Variants in ARSF observed in about 807,000 individuals in gnomAD.
The protein encoded by ARSF is arylsulfatase F.
ARSF carries 33 observed loss-of-function variants against 35.4 expected under a neutral mutation model. The observed-to-expected ratio is 0.93, with a 90% CI of 0.71 to 1.25. The LOEUF is 1.25. Among genes scored for constraint, ARSF ranks in the 50% most tolerant of loss-of-function variants. ARSF has a pLI of 0.00. For missense variants in ARSF, 501 were observed against 480.2 expected (o/e 1.04, Z -0.40); for synonymous variants, 222 against 193.1 (o/e 1.15, Z -1.24).
chrX:3,094,117 G>C (rs1274318609), intron 7 of ARSF, among the ~76,000 whole-genome samples: 5 of 111,913 alleles, frequency 4.5e-5, no homozygotes, highest in Non-Finnish European at 9.4e-5. Context: ...ACTGTTACCA[G>C]TGTATTCTGG....
chrX:3,098,175 G>A (rs1220855641), intron 7 of ARSF, among the ~76,000 whole-genome samples: 1 of 108,781 alleles, frequency 9.2e-6, no homozygotes, highest in African/African-American at 3.4e-5. Flanking sequence ...GTGTTGACAA[G>A]GGTGGTCTCA....
At chrX:3,072,803 T>A (rs2147496184) in intron 3 of ARSF, among the ~76,000 whole-genome samples, 1 of 106,070 alleles carries the variant, frequency 9.4e-6, no homozygotes, top group African/African-American at 3.4e-5. Context: ...TATTCATATA[T>A]GAATATATTC....
At chrX:3,067,611 T>C (rs1049384767) in intron 1 of ARSF, among the ~76,000 whole-genome samples, 8 of 110,273 alleles carry the variant, frequency 7.3e-5, no homozygotes, top group South Asian at 7.9e-4. Context: ...GGAGTTCTTT[T>C]AAAAATGGGC....
chrX:3,047,982 A>T (rs2089982367), intron 1 of ARSF, among the ~76,000 whole-genome samples: 1 of 110,961 alleles, frequency 9.0e-6, no homozygotes, highest in Admixed American at 9.7e-5. Flanking sequence ...AGGCAAAGAA[A>T]GAGAGCCAAG....
At chrX:3,052,783 C>T (rs1236954910) in intron 1 of ARSF, among the ~76,000 whole-genome samples, 7 of 110,637 alleles carry the variant, frequency 6.3e-5, no homozygotes, top group Non-Finnish European at 1.1e-4. Flanking sequence ...TTTATGCATA[C>T]GCCTGCAATC....
At chrX:3,080,149 C>A (rs1013311383) in intron 4 of ARSF, among the ~76,000 whole-genome samples, 1 of 110,812 alleles carries the variant, frequency 9.0e-6, no homozygotes, top group African/African-American at 3.3e-5. Context: ...TACTGCCAGT[C>A]TGCTGACACT....
rs2090395674 is a variant in ARSF at position 3,103,839 on chromosome X, G to A, written c.1180G>A (p.Gly394Arg). The A allele has an allele frequency of 8.3e-7, 1 of 1,211,629 alleles. No individual in the cohort carries two copies. Among genetic ancestry groups the A allele is most frequent in the Non-Finnish European group, 1.1e-6 (1 of 895,342 alleles). Residue 394 changes from glycine (G) to arginine (R), a missense_variant, in exon 9 of 11, where the codon GGA becomes AGA. By Grantham distance (125) the Gly-to-Arg change is moderately radical. Coordinates refer to ENST00000381127, the MANE Select transcript of ARSF (RefSeq NM_001201539.2). ...IVRWPGKVPAGRLIKEPTSLM... is the reference protein window; with the variant it reads ...IVRWPGKVPARRLIKEPTSLM... ...CCGATGGCCTGGAAAGGTACCAGCT[G>A]GACGGTTGATTAAGGAACCTACAAG...
intron 1 of ARSF, among the ~76,000 whole-genome samples, chrX:3,053,747 A>G (rs1427125299): frequency 9.9e-6 from 1 of 101,184 alleles, no homozygotes; most frequent in East Asian, 3.0e-4. Context: ...GCATGCCACC[A>G]CGCCTGGGTA....
chrX:3,066,569 G>C, intron 1 of ARSF, among the ~76,000 whole-genome samples: 1 of 112,014 alleles, frequency 8.9e-6, no homozygotes. Flanking sequence ...TCCCAGATAA[G>C]AACATTCAGC....
chrX:3,092,944 G>A (rs978874246), intron 7 of ARSF, among the ~76,000 whole-genome samples: 1 of 111,948 alleles, frequency 8.9e-6, no homozygotes, highest in Admixed American at 9.5e-5. Flanking sequence ...AGGCCAAGGC[G>A]GGTGGATAAC....
chrX:3,095,359 T>C (rs1340621064), intron 7 of ARSF, among the ~76,000 whole-genome samples: 1 of 108,365 alleles, frequency 9.2e-6, no homozygotes, highest in African/African-American at 3.3e-5. Flanking sequence ...ATAATAAAAT[T>C]ATATTACATA....
In ARSF at chrX:3,081,008, T is replaced by G; in HGVS notation, c.401T>G (p.Leu134Arg). ...AAGAAGCAAGGATACAGCACGGGGC[T>G]TATAGGTAAGACACAAGAATTGGTG... ...LLKKQGYSTGLIGKWHQGLNC... is the reference protein window; with the variant it reads ...LLKKQGYSTGRIGKWHQGLNC... Residue 134 changes from leucine (L) to arginine (R), a missense_variant, in exon 5 of 11, where the codon CTT becomes CGT. By Grantham distance (102) the Leu-to-Arg change is moderately radical. Coordinates refer to ENST00000381127, the MANE Select transcript of ARSF (RefSeq NM_001201539.2). 8.3e-7 allele frequency: 1 copy of G among 1,209,936 alleles called. No individual in the cohort carries two copies. The highest frequency in any genetic ancestry group is 1.1e-6 in the Non-Finnish European group (1 of 894,778).
At chrX:3,074,148 G>C (rs73439695) in intron 3 of ARSF, among the ~76,000 whole-genome samples, 7,968 of 110,383 alleles carry the variant, frequency 0.072, 402 homozygotes, top group African/African-American at 0.18. Flanking sequence ...AGGACTCACC[G>C]AAAAGCGCAG....
At chrX:3,070,185 T>A (rs1284632091) in intron 2 of ARSF, among the ~76,000 whole-genome samples, 4 of 111,724 alleles carry the variant, frequency 3.6e-5, no homozygotes, top group African/African-American at 1.3e-4. Flanking sequence ...CTTAGCATAA[T>A]GACCTCCAGG....
chrX:3,071,964 A>C (rs1376248258), intron 2 of ARSF, 62 bp from the exon 3 acceptor site: 12 of 1,112,047 alleles, frequency 1.1e-5, no homozygotes, highest in African/African-American at 1.8e-5. Flanking sequence ...TTGTGTTGGG[A>C]GGTGGATCCT....
intron 4 of ARSF, among the ~76,000 whole-genome samples, chrX:3,080,038 T>C (rs756525851): frequency 1.0e-5 from 1 of 98,394 alleles, no homozygotes; most frequent in African/African-American, 3.8e-5. Context: ...GTGAGGGAAG[T>C]AGTCTTCGCT....
intron 7 of ARSF, among the ~76,000 whole-genome samples, chrX:3,097,454 C>T (rs1407217274): frequency 4.5e-5 from 5 of 111,896 alleles, no homozygotes; most frequent in African/African-American, 1.6e-4. Context: ...AATGGAAACA[C>T]ATAATTCCTT....
At chrX:3,088,039 G>A (rs997678633) in intron 6 of ARSF, among the ~76,000 whole-genome samples, 3 of 111,198 alleles carry the variant, frequency 2.7e-5, no homozygotes, top group Non-Finnish European at 3.8e-5. Context: ...ATTTCCCAAC[G>A]AATGGCATTT....
chrX:3,072,578 A>G (rs774515070), intron 3 of ARSF, among the ~76,000 whole-genome samples: 2,300 of 110,339 alleles, frequency 0.021, 26 homozygotes, highest in Middle Eastern at 0.074. Context: ...CTGAAGTCTT[A>G]GAGAAGTCGC....
Sources: allele counts gnomAD v4.1 joint callset (sites outside exome capture counted in the v4.1 genomes callset), GRCh38; gene constraint gnomAD v4.1.1; transcripts MANE v1.5; gene names NCBI Gene and HGNC (gene_info 2026-07-23, HGNC 2026-07-21).